The following CTNND2 variants were observed in gnomAD, a reference collection of about 807,000 sequenced individuals.
CTNND2 encodes catenin delta-2.
A neutral mutation model predicts 144.4 loss-of-function variants in CTNND2; 22 were observed. The observed-to-expected ratio is 0.15, with a 90% CI of 0.11 to 0.22. The LOEUF (loss-of-function observed/expected upper bound fraction) is 0.22, where lower values mean the gene tolerates loss of function less well. Ranked by LOEUF, CTNND2 falls within the 10% of genes least tolerant of loss-of-function variation. The pLI is 1.00. For missense variants in CTNND2, 1,353 were observed against 1,618.8 expected (o/e 0.84, Z 2.82); for synonymous variants, 751 against 695.6 (o/e 1.08, Z -1.25).
chr5:11,205,353 T>A (rs1737932492), intron 10 of CTNND2, among the ~76,000 whole-genome samples: 1 of 152,152 alleles, frequency 6.6e-6, no homozygotes, highest in African/African-American at 2.4e-5. Context: ...AAAAAGAAGA[T>A]AAGGGAATGC....
intron 2 of CTNND2, among the ~76,000 whole-genome samples, chr5:11,582,609 G>A (rs1778520256): frequency 6.6e-6 from 1 of 152,104 alleles, no homozygotes; most frequent in Non-Finnish European, 1.5e-5. Context: ...TTCAAAAATT[G>A]TGACTATCCA....
intron 9 of CTNND2, among the ~76,000 whole-genome samples, chr5:11,333,572 C>G (rs2149719583): frequency 6.6e-6 from 1 of 152,252 alleles, no homozygotes. Context: ...TCAGTCAGAT[C>G]AGACATAACA....
At chr5:11,353,060 GT>G (rs1755488211) in intron 8 of CTNND2, among the ~76,000 whole-genome samples, 3 of 135,820 alleles carry the variant, frequency 2.2e-5, no homozygotes, top group Admixed American at 1.6e-4. Context: ...ATGATACACA[GT>G]CTTTTTTTTT....
At chr5:11,048,313 A>G (rs993491893) in intron 16 of CTNND2, among the ~76,000 whole-genome samples, 52 of 152,262 alleles carry the variant, frequency 3.4e-4, no homozygotes, top group African/African-American at 1.3e-3. Flanking sequence ...AGACTGAAGC[A>G]TAAGCTATTC....
intron 7 of CTNND2, among the ~76,000 whole-genome samples, chr5:11,377,040 CTG>C (rs1758008292): frequency 6.8e-6 from 1 of 146,056 alleles, no homozygotes; most frequent in Admixed American, 7.1e-5. Flanking sequence ...ACCCTGGTCT[CTG>C]TGTTTTTGTC....
chr5:11,222,549 T>C (rs1181383097), intron 10 of CTNND2, among the ~76,000 whole-genome samples: 1 of 152,230 alleles, frequency 6.6e-6, no homozygotes, highest in Admixed American at 6.5e-5. Context: ...CTCACGCCTG[T>C]ATTCTCAGCA....
chr5:11,371,493 C>G (rs1757477621), intron 7 of CTNND2, among the ~76,000 whole-genome samples: 1 of 152,178 alleles, frequency 6.6e-6, no homozygotes, highest in Non-Finnish European at 1.5e-5. Context: ...TCAGGAGTAT[C>G]CATGAGGAAC....
chr5:11,842,582 G>A (rs556517630), intron 1 of CTNND2, among the ~76,000 whole-genome samples: 140 of 151,964 alleles, frequency 9.2e-4, no homozygotes, highest in Middle Eastern at 3.4e-3. Context: ...AGCCGGGCAC[G>A]GTGGCGGGCG....
intron 9 of CTNND2, among the ~76,000 whole-genome samples, chr5:11,326,890 G>A (rs893775144): frequency 2.0e-5 from 3 of 152,160 alleles, no homozygotes; most frequent in Non-Finnish European, 4.4e-5. Flanking sequence ...TCTGCATTTC[G>A]AACAGTGAAC....
At chr5:11,370,696 G>A (rs772049487) in intron 7 of CTNND2, among the ~76,000 whole-genome samples, 1 of 151,858 alleles carries the variant, frequency 6.6e-6, no homozygotes, top group Non-Finnish European at 1.5e-5. Context: ...TTTTCATTTT[G>A]CAGTATCAAT....
intron 12 of CTNND2, among the ~76,000 whole-genome samples, chr5:11,129,827 G>A (rs1443011211): frequency 6.6e-6 from 1 of 152,090 alleles, no homozygotes; most frequent in Non-Finnish European, 1.5e-5. Context: ...AACATTATGT[G>A]AAGCACCAAC....
chr5:11,385,767 T>C (rs556286986), intron 6 of CTNND2: 1 of 152,324 alleles, frequency 6.6e-6, no homozygotes, highest in South Asian at 2.1e-4. Context: ...CAGTTTATTC[T>C]GTTGCTATTG....
intron 7 of CTNND2, among the ~76,000 whole-genome samples, chr5:11,365,113 C>T (rs1054207517): frequency 3.9e-5 from 6 of 152,182 alleles, no homozygotes; most frequent in African/African-American, 7.2e-5. Flanking sequence ...AAAATGACAA[C>T]GTTTCTGAGA....
chr5:11,499,851 T>TA (rs1415940669), intron 3 of CTNND2, among the ~76,000 whole-genome samples: 2 of 152,190 alleles, frequency 1.3e-5, no homozygotes, highest in Non-Finnish European at 2.9e-5. Flanking sequence ...TGATTTGTGA[T>TA]AAAAAGAAGT....
intron 1 of CTNND2, among the ~76,000 whole-genome samples, chr5:11,752,100 A>G: frequency 6.6e-6 from 1 of 151,888 alleles, no homozygotes; most frequent in East Asian, 1.9e-4. Context: ...GATTCTCTAC[A>G]TTAGACCTTT....
At chr5:11,261,548 G>C (rs1308601488) in intron 9 of CTNND2, among the ~76,000 whole-genome samples, 1 of 152,322 alleles carries the variant, frequency 6.6e-6, no homozygotes, top group East Asian at 1.9e-4. Flanking sequence ...CTCCATCTCA[G>C]ACACTAAAGC....
chr5:11,122,246 CA>C (rs202171390), intron 12 of CTNND2, among the ~76,000 whole-genome samples: 23,172 of 120,230 alleles, frequency 0.19, 2,921 homozygotes, highest in East Asian at 0.48. Flanking sequence ...TTTCAACTTG[CA>C]AAAAAAAAAA....
chr5:11,796,547 T>A (rs1444796247), intron 1 of CTNND2, among the ~76,000 whole-genome samples: 1 of 152,220 alleles, frequency 6.6e-6, no homozygotes, highest in African/African-American at 2.4e-5. Flanking sequence ...TAAAACCTTA[T>A]CTCATCCTTT....
chr5:11,522,914 T>G (rs1321189485), intron 3 of CTNND2, among the ~76,000 whole-genome samples: 1 of 152,218 alleles, frequency 6.6e-6, no homozygotes, highest in Non-Finnish European at 1.5e-5. Flanking sequence ...ACCCATGCGT[T>G]TGAATTACTG....
Sources: allele counts gnomAD v4.1 joint callset (sites outside exome capture counted in the v4.1 genomes callset), GRCh38; gene constraint gnomAD v4.1.1; transcripts MANE v1.5; gene names NCBI Gene and HGNC (gene_info 2026-07-23, HGNC 2026-07-21).